Variants in THEMIS observed in about 807,000 individuals in gnomAD.
THEMIS encodes the protein protein THEMIS.
Under a neutral mutation model 52.6 loss-of-function variants are expected in THEMIS, and 37 were observed. That is an observed-to-expected ratio of 0.70 (90% CI 0.54 to 0.93). The LOEUF (loss-of-function observed/expected upper bound fraction) is 0.93, where lower values mean the gene tolerates loss of function less well. Among genes scored for constraint, THEMIS ranks in the 40% least tolerant of loss-of-function variants. THEMIS has a pLI of 0.00. For synonymous variants in THEMIS, 292 were observed against 272.7 expected (o/e 1.07, Z -0.70); for missense variants, 808 against 763.1 (o/e 1.06, Z -0.69).
chr6:127,710,669 C>T (rs1031194778), intron 5 of THEMIS, among the ~76,000 whole-genome samples: 4 of 151,998 alleles, frequency 2.6e-5, no homozygotes, highest in Admixed American at 6.6e-5. Context: ...AGCTACGCTA[C>T]GAATAGGAAT....
At chr6:127,834,443 G>A (rs1778807927) in intron 2 of THEMIS, among the ~76,000 whole-genome samples, 1 of 150,248 alleles carries the variant, frequency 6.7e-6, no homozygotes, top group Non-Finnish European at 1.5e-5. Flanking sequence ...AAAAAGCTGG[G>A]CGTGGTGGTG....
At chr6:127,792,065 A>G (rs1208690366) in intron 4 of THEMIS, among the ~76,000 whole-genome samples, 1 of 152,126 alleles carries the variant, frequency 6.6e-6, no homozygotes, top group Non-Finnish European at 1.5e-5. Context: ...CCAACTTGGA[A>G]GGGGGCATGG....
At position 127,708,907 on chromosome 6, in the gene THEMIS, G is replaced by A. The variant is rs372909228; in HGVS notation, c.*1078C>T. 92 of 152,046 alleles carry A rather than the reference G, an allele frequency of 6.1e-4. No individual in the cohort carries two copies. Among genetic ancestry groups the A allele is most frequent in the Non-Finnish European group, 7.5e-4 (51 of 67,910 alleles). 9.4% of individuals were successfully genotyped at this position (152,046 alleles called of 1,614,324 possible). A position where few individuals can be genotyped will look rare whatever the true frequency, so the allele number is the denominator to read the frequency against. ...AAAATAATTATGAGATAGGATGTTA[G>A]CTAACAAATTTTGTACAGAGTATGA... is the stretch of plus-strand genomic sequence containing the variant. On this transcript the variant is annotated 3_prime_UTR_variant, in exon 6 of 6. Coordinates refer to ENST00000368248, the MANE Select transcript of THEMIS (RefSeq NM_001010923.3).
chr6:127,729,199 TC>T (rs1774666613), intron 4 of THEMIS, among the ~76,000 whole-genome samples: 2 of 89,108 alleles, frequency 2.2e-5, no homozygotes, highest in African/African-American at 7.6e-5. Context: ...TCTCTCTCTC[TC>T]TCTTCACTCA....
At chr6:127,743,660 GCC>G in intron 4 of THEMIS, among the ~76,000 whole-genome samples, 1 of 152,116 alleles carries the variant, frequency 6.6e-6, no homozygotes, top group Non-Finnish European at 1.5e-5. Flanking sequence ...ATCTTATTGT[GCC>G]CCCAGGCTGC....
chr6:127,773,173 G>C (rs1776444568), intron 4 of THEMIS, among the ~76,000 whole-genome samples: 1 of 152,136 alleles, frequency 6.6e-6, no homozygotes, highest in South Asian at 2.1e-4. Context: ...CTTCCTTGGG[G>C]AGTAAGACAA....
In THEMIS at chr6:127,716,237, A is replaced by T. The variant is rs568057811; in HGVS notation, c.1894+3451T>A. 4.6e-5 allele frequency among the ~76,000 whole-genome samples: 7 copies of T among 152,002 alleles called. 1 individual carries two copies. The highest frequency in any genetic ancestry group is 1.7e-4 in the African/African-American group (7 of 41,514). On this transcript the variant is annotated intron_variant, in intron 5 of 5. Coordinates refer to ENST00000368248, the MANE Select transcript of THEMIS (RefSeq NM_001010923.3). ...TAAAAGGTCATCCTTCCTGGCAGTGATTTGAGTTTCTAGAGAGACATAAGG... is the reference window on the plus strand; with the variant it reads ...TAAAAGGTCATCCTTCCTGGCAGTGTTTTGAGTTTCTAGAGAGACATAAGG...
chr6:127,914,716 A>C (rs1781483878), intron 1 of THEMIS, among the ~76,000 whole-genome samples: 1 of 152,240 alleles, frequency 6.6e-6, no homozygotes, highest in African/African-American at 2.4e-5. Flanking sequence ...CATTAATATA[A>C]GGAATGAAAG....
intron 4 of THEMIS, among the ~76,000 whole-genome samples, chr6:127,731,864 ATTTTT>A (rs58263706): frequency 3.6e-4 from 15 of 41,714 alleles, no homozygotes; most frequent in South Asian, 3.4e-3. Flanking sequence ...TGCCCGGCTA[ATTTTT>A]TTTTTTTTTT....
At chr6:127,868,656 A>G (rs534833618) in intron 1 of THEMIS, among the ~76,000 whole-genome samples, 4 of 152,146 alleles carry the variant, frequency 2.6e-5, no homozygotes, top group Non-Finnish European at 5.9e-5. Context: ...ACAAATATTC[A>G]TATTGTGTAT....
chr6:127,871,245 G>GA (rs888874596), intron 1 of THEMIS, among the ~76,000 whole-genome samples: 13 of 151,028 alleles, frequency 8.6e-5, no homozygotes, highest in African/African-American at 3.2e-4. Context: ...GCAAAAATAA[G>GA]AAAAAAAATT....
downstream of THEMIS, among the ~76,000 whole-genome samples, chr6:127,706,318 A>T (rs1026995434): frequency 1.3e-5 from 2 of 151,982 alleles, no homozygotes; most frequent in African/African-American, 4.8e-5. Flanking sequence ...TATCACAACA[A>T]CTCTACAATG....
At chr6:127,781,894 A>AAAG (rs1253535586) in intron 4 of THEMIS, among the ~76,000 whole-genome samples, 1 of 152,160 alleles carries the variant, frequency 6.6e-6, no homozygotes, top group East Asian at 1.9e-4. Flanking sequence ...TTGAGGAGGC[A>AAAG]GTCTGTCCCT....
intron 4 of THEMIS, among the ~76,000 whole-genome samples, chr6:127,743,909 A>G (rs778900331): frequency 1.4e-4 from 21 of 152,150 alleles, no homozygotes; most frequent in Non-Finnish European, 2.8e-4. Flanking sequence ...TACTTTGAAC[A>G]ATAAAATATA....
intron 2 of THEMIS, 88 bp downstream of exon 2, chr6:127,854,940 GAC>G (rs1180347084): frequency 1.2e-5 from 14 of 1,172,040 alleles, no homozygotes; most frequent in Admixed American, 6.2e-5. Flanking sequence ...GTGAAAAACA[GAC>G]CATTTTTTTC....
intron 5 of THEMIS, among the ~76,000 whole-genome samples, chr6:127,716,873 T>C (rs1184227256): frequency 1.3e-5 from 2 of 151,868 alleles, no homozygotes; most frequent in Admixed American, 6.6e-5. Flanking sequence ...CTCTACACAA[T>C]TGGAGTGTTT....
Position 127,870,281 on chromosome 6 carries a change from G to A in THEMIS, c.92-15093C>T, listed in dbSNP as rs140622393. ...GCTCGTACCCCTCCCAACATGGCTA[G>A]TGTCAATGAAGTCATAGTGAGGGGT... On this transcript the variant is annotated intron_variant, in intron 1 of 5. Transcript: ENST00000368248. Among the ~76,000 whole-genome samples the A allele has an allele frequency of 1.5e-4, 23 of 152,290 alleles. 1 individual carries two copies. The East Asian group carries it at 3.9e-3, about 26-fold the overall frequency.
intron 1 of THEMIS, among the ~76,000 whole-genome samples, chr6:127,909,479 T>A (rs1362407690): frequency 6.6e-6 from 1 of 152,156 alleles, no homozygotes; most frequent in East Asian, 1.9e-4. Context: ...TACTGCCATG[T>A]GAAGAAGGAC....
chr6:127,737,523 C>G (rs1775050284), intron 4 of THEMIS, among the ~76,000 whole-genome samples: 1 of 152,182 alleles, frequency 6.6e-6, no homozygotes, highest in South Asian at 2.1e-4. Context: ...CTAATCTTAG[C>G]TCCTGGAATA....
Sources: allele counts gnomAD v4.1 joint callset (sites outside exome capture counted in the v4.1 genomes callset), GRCh38; gene constraint gnomAD v4.1.1; transcripts MANE v1.5; gene names NCBI Gene and HGNC (gene_info 2026-07-23, HGNC 2026-07-21).